The following CDH12 variants were observed in gnomAD, a reference collection of about 807,000 sequenced individuals.
CDH12 encodes cadherin-12.
A neutral mutation model predicts 74.1 loss-of-function variants in CDH12; 41 were observed. The observed-to-expected ratio is 0.55, with a 90% confidence interval of 0.43 to 0.72. The LOEUF is 0.72. CDH12 is among the 30% of genes least tolerant of loss of function. The pLI, the probability that CDH12 is intolerant of heterozygous loss-of-function variation, is 0.00. For missense variants in CDH12, 945 were observed against 977.2 expected (o/e 0.97, Z 0.44); for synonymous variants, 399 against 355.0 (o/e 1.12, Z -1.39).
intron 1 of CDH12, among the ~76,000 whole-genome samples, chr5:22,685,920 T>G (rs948700002): frequency 6.6e-6 from 1 of 152,190 alleles, no homozygotes; most frequent in Non-Finnish European, 1.5e-5. Context: ...AGGAGTAGAA[T>G]TGCTGGGTCA....
chr5:22,683,414 A>T (rs72746695), intron 1 of CDH12, among the ~76,000 whole-genome samples: 2 of 152,242 alleles, frequency 1.3e-5, no homozygotes, highest in East Asian at 3.9e-4. Context: ...AGTAACACAC[A>T]TGTAATCTAG....
intron 4 of CDH12, among the ~76,000 whole-genome samples, chr5:22,102,584 G>A (rs942302735): frequency 1.3e-5 from 2 of 152,150 alleles, no homozygotes; most frequent in Admixed American, 6.5e-5. Context: ...CAGGAGAATC[G>A]CTTGTACCCG....
chr5:22,297,187 A>C (rs1269616840), intron 3 of CDH12, among the ~76,000 whole-genome samples: 1 of 151,774 alleles, frequency 6.6e-6, no homozygotes, highest in East Asian at 1.9e-4. Context: ...ATGCCCGGCT[A>C]ATTTTGTATT....
intron 5 of CDH12, among the ~76,000 whole-genome samples, chr5:22,077,047 AGTGTGT>A (rs5866546): frequency 0.2 from 29,928 of 149,028 alleles, 3,225 homozygotes; most frequent in South Asian, 0.31. Context: ...GCTTAATGGC[AGTGTGT>A]GTGTGTGTGT....
intron 6 of CDH12, among the ~76,000 whole-genome samples, chr5:21,921,355 C>T (rs1477299771): frequency 6.6e-6 from 1 of 152,182 alleles, no homozygotes; most frequent in African/African-American, 2.4e-5. Flanking sequence ...GCATCTTCTC[C>T]ATCTGGTCCT....
At chr5:22,053,323 C>T (rs965047156) in intron 5 of CDH12, among the ~76,000 whole-genome samples, 2 of 152,128 alleles carry the variant, frequency 1.3e-5, no homozygotes, top group Admixed American at 1.3e-4. Flanking sequence ...ATCTCTTTAG[C>T]TCCTTGAAAG....
At chr5:22,305,048 A>AT (rs1180774652) in intron 3 of CDH12, among the ~76,000 whole-genome samples, 10 of 152,330 alleles carry the variant, frequency 6.6e-5, no homozygotes, top group South Asian at 2.1e-4. Flanking sequence ...GCCATAAACA[A>AT]TTTTTTTAAG....
intron 1 of CDH12, among the ~76,000 whole-genome samples, chr5:22,517,188 A>G (rs1320632807): frequency 6.6e-6 from 1 of 152,116 alleles, no homozygotes; most frequent in Non-Finnish European, 1.5e-5. Flanking sequence ...TACAGTTTAA[A>G]AATAAGATAT....
intron 1 of CDH12, among the ~76,000 whole-genome samples, chr5:22,615,867 G>A (rs1737664933): frequency 6.6e-6 from 1 of 151,994 alleles, no homozygotes; most frequent in South Asian, 2.1e-4. Context: ...GCTTTGAGGG[G>A]GTAGATCATC....
chr5:21,987,030 T>C (rs1239182550), intron 5 of CDH12, among the ~76,000 whole-genome samples: 1 of 152,094 alleles, frequency 6.6e-6, no homozygotes, highest in Non-Finnish European at 1.5e-5. Context: ...ATAATCCCAA[T>C]AAAGCAGCTG....
intron 2 of CDH12, among the ~76,000 whole-genome samples, chr5:22,483,571 G>T (rs532661144): frequency 6.7e-6 from 1 of 150,272 alleles, no homozygotes; most frequent in Non-Finnish European, 1.5e-5. Context: ...GGAGGTAGGC[G>T]AGTAGAGCTC....
At chr5:22,563,421 T>C (rs559807680) in intron 1 of CDH12, among the ~76,000 whole-genome samples, 1 of 152,258 alleles carries the variant, frequency 6.6e-6, no homozygotes, top group African/African-American at 2.4e-5. Flanking sequence ...ATTTTAAAAA[T>C]CCAATTGTAT....
intron 6 of CDH12, among the ~76,000 whole-genome samples, chr5:21,970,082 T>C (rs1326720437): frequency 6.6e-6 from 1 of 151,990 alleles, no homozygotes; most frequent in Non-Finnish European, 1.5e-5. Flanking sequence ...GATTTTGAAC[T>C]TGAACTTTTT....
chr5:22,522,921 A>C (rs900930405), intron 1 of CDH12, among the ~76,000 whole-genome samples: 1 of 152,124 alleles, frequency 6.6e-6, no homozygotes, highest in African/African-American at 2.4e-5. Flanking sequence ...CTTTCACTAA[A>C]AAATTTCTTG....
chr5:22,542,434 G>A (rs1446096215), intron 1 of CDH12, among the ~76,000 whole-genome samples: 5 of 152,124 alleles, frequency 3.3e-5, no homozygotes, highest in African/African-American at 1.2e-4. Context: ...TTATTTTAAA[G>A]AATATTAGTG....
chr5:22,172,831 A>T (rs1166110390), intron 4 of CDH12, among the ~76,000 whole-genome samples: 1 of 151,698 alleles, frequency 6.6e-6, no homozygotes, highest in Non-Finnish European at 1.5e-5. Flanking sequence ...CAAATTTTAC[A>T]TAGCAAAATG....
chr5:22,184,238 A>G (rs1234136256), intron 4 of CDH12, among the ~76,000 whole-genome samples: 3 of 152,204 alleles, frequency 2.0e-5, no homozygotes, highest in African/African-American at 7.2e-5. Context: ...TGCCTAAGAG[A>G]TAATAAAGTT....
intron 8 of CDH12, among the ~76,000 whole-genome samples, chr5:21,836,288 G>T (rs532800209): frequency 1.3e-5 from 2 of 151,456 alleles, no homozygotes; most frequent in African/African-American, 4.8e-5. Flanking sequence ...AATAGAAACC[G>T]TCAATATAAA....
At chr5:22,376,886 T>A (rs1310226397) in intron 3 of CDH12, among the ~76,000 whole-genome samples, 2 of 152,020 alleles carry the variant, frequency 1.3e-5, no homozygotes, top group African/African-American at 2.4e-5. Context: ...CTACCAATAA[T>A]AAATAAGTAA....
Sources: allele counts gnomAD v4.1 joint callset (sites outside exome capture counted in the v4.1 genomes callset), GRCh38; gene constraint gnomAD v4.1.1; transcripts MANE v1.5; gene names NCBI Gene and HGNC (gene_info 2026-07-23, HGNC 2026-07-21).